The following DHRSX variants were observed in gnomAD, a reference collection of about 807,000 sequenced individuals.
DHRSX encodes the protein dehydrogenase/reductase X-linked.
Under a neutral mutation model 34.0 loss-of-function variants are expected in DHRSX, and 31 were observed. The ratio of observed to expected loss-of-function variants is 0.91; its 90% confidence interval spans 0.69 to 1.23. The LOEUF is 1.23. DHRSX is among the 50% of genes most tolerant of loss of function. The probability of loss-of-function intolerance (pLI) is 0.00; values close to 1 mark genes in which losing one functional copy is unlikely to be tolerated. For synonymous variants in DHRSX, 201 were observed against 183.8 expected (o/e 1.09, Z -0.76); for missense variants, 414 against 428.1 (o/e 0.97, Z 0.29).
intron 3 of DHRSX, among the ~76,000 whole-genome samples, chrX:2,393,978 C>T (rs1350382644): frequency 6.6e-6 from 1 of 152,352 alleles, no homozygotes. Context: ...GGTTCAGGGA[C>T]GCGTGTCCAT....
chrX:2,451,298 C>G (rs2044214043), intron 1 of DHRSX, among the ~76,000 whole-genome samples: 1 of 151,918 alleles, frequency 6.6e-6, no homozygotes, highest in Non-Finnish European at 1.5e-5. Flanking sequence ...GGGATGCAAG[C>G]CCCTTCCACC....
intron 3 of DHRSX, among the ~76,000 whole-genome samples, chrX:2,366,007 C>T (rs2042990600): frequency 6.6e-6 from 1 of 152,304 alleles, no homozygotes; most frequent in Non-Finnish European, 1.5e-5. Context: ...TGACATCCTA[C>T]CCTCTGCCCA....
intron 3 of DHRSX, among the ~76,000 whole-genome samples, chrX:2,301,526 C>T (rs1194230041): frequency 6.6e-6 from 1 of 152,204 alleles, no homozygotes; most frequent in African/African-American, 2.4e-5. Flanking sequence ...CTTATTGCTG[C>T]GTGGAGCAGA....
At chrX:2,489,334 C>A in intron 1 of DHRSX, 1 of 1,613,500 alleles carries the variant, frequency 6.2e-7, no homozygotes, top group Non-Finnish European at 8.5e-7. Flanking sequence ...CGATCTCGGG[C>A]GTCTCCTGGT....
intron 3 of DHRSX, among the ~76,000 whole-genome samples, chrX:2,391,997 G>A (rs2043340750): frequency 6.6e-6 from 1 of 152,164 alleles, no homozygotes; most frequent in South Asian, 2.1e-4. Flanking sequence ...AGTCCAAGGC[G>A]ATCCATGGGG....
chrX:2,239,630 G>A (rs1475272516), intron 6 of DHRSX, among the ~76,000 whole-genome samples: 1 of 151,914 alleles, frequency 6.6e-6, no homozygotes. Flanking sequence ...TTAGCCAGAC[G>A]TGGTGGCGGG....
intron 3 of DHRSX, among the ~76,000 whole-genome samples, chrX:2,307,502 G>T (rs989512490): frequency 6.6e-6 from 1 of 152,066 alleles, no homozygotes; most frequent in Non-Finnish European, 1.5e-5. Flanking sequence ...GGTGGCTCAC[G>T]CCTGTAATCC....
chrX:2,350,445 C>T (rs897007722), intron 3 of DHRSX, among the ~76,000 whole-genome samples: 2 of 152,052 alleles, frequency 1.3e-5, no homozygotes, highest in Non-Finnish European at 2.9e-5. Flanking sequence ...CATGGATGAA[C>T]CTGGGGGATG....
chrX:2,410,004 G>A, intron 2 of DHRSX, among the ~76,000 whole-genome samples: 1 of 152,248 alleles, frequency 6.6e-6, no homozygotes, highest in Non-Finnish European at 1.5e-5. Flanking sequence ...GTGCTGGGAT[G>A]ACAGGTATGA....
At chrX:2,343,809 G>A (rs1186027086) in intron 3 of DHRSX, among the ~76,000 whole-genome samples, 1 of 152,146 alleles carries the variant, frequency 6.6e-6, no homozygotes, top group Admixed American at 6.5e-5. Flanking sequence ...GTTTGATGTA[G>A]AATGTTTAAT....
chrX:2,290,435 G>A (rs1166770940), intron 4 of DHRSX, among the ~76,000 whole-genome samples: 1 of 152,132 alleles, frequency 6.6e-6, no homozygotes, highest in African/African-American at 2.4e-5. Context: ...AAAATGGTAC[G>A]TTAGGTAGCA....
intron 5 of DHRSX, among the ~76,000 whole-genome samples, chrX:2,245,977 A>C (rs1055146066): frequency 2.7e-5 from 4 of 149,322 alleles, no homozygotes; most frequent in Admixed American, 2.0e-4. Context: ...AAACAAAAAA[A>C]CAAAAAAACA....
intron 3 of DHRSX, among the ~76,000 whole-genome samples, chrX:2,373,404 C>G (rs184552331): frequency 3.5e-4 from 54 of 152,238 alleles, no homozygotes; most frequent in Non-Finnish European, 4.4e-5. Context: ...TGTTCTGAGG[C>G]GAGGCTGGAA....
At chrX:2,319,766 C>T (rs1236806478) in intron 3 of DHRSX, among the ~76,000 whole-genome samples, 3 of 151,912 alleles carry the variant, frequency 2.0e-5, no homozygotes, top group Non-Finnish European at 4.4e-5. Context: ...AGAACCTATA[C>T]ATAGATTTTC....
At chrX:2,273,044 G>A (rs1480429405) in intron 4 of DHRSX, among the ~76,000 whole-genome samples, 2 of 152,102 alleles carry the variant, frequency 1.3e-5, no homozygotes, top group South Asian at 4.1e-4. Context: ...AGACCAAGGC[G>A]GGCAGATCAC....
chrX:2,460,440 C>T (rs1166553842), intron 1 of DHRSX, among the ~76,000 whole-genome samples: 1 of 152,188 alleles, frequency 6.6e-6, no homozygotes, highest in African/African-American at 2.4e-5. Flanking sequence ...TTGGTTGAGA[C>T]AGTCGCCCAG....
At chrX:2,392,723 T>C (rs1039855530) in intron 3 of DHRSX, among the ~76,000 whole-genome samples, 1 of 140,656 alleles carries the variant, frequency 7.1e-6, no homozygotes, top group Admixed American at 7.5e-5. Context: ...ATATTATAAA[T>C]TCGTGTTTAT....
At chrX:2,445,593 G>C (rs1002358108) in intron 1 of DHRSX, among the ~76,000 whole-genome samples, 29 of 152,294 alleles carry the variant, frequency 1.9e-4, no homozygotes, top group African/African-American at 6.3e-4. Flanking sequence ...ATGCGGCCAA[G>C]GGACCGCTGC....
chrX:2,239,043 C>T (rs2016081188), intron 6 of DHRSX, among the ~76,000 whole-genome samples: 1 of 152,170 alleles, frequency 6.6e-6, no homozygotes, highest in Non-Finnish European at 1.5e-5. Context: ...ATTTTAATTT[C>T]ATTTCCAGGC....
Sources: allele counts gnomAD v4.1 joint callset (sites outside exome capture counted in the v4.1 genomes callset), GRCh38; gene constraint gnomAD v4.1.1; transcripts MANE v1.5; gene names NCBI Gene and HGNC (gene_info 2026-07-23, HGNC 2026-07-21).